The following DOCK2 variants were observed in gnomAD, a reference collection of about 807,000 sequenced individuals.
The protein encoded by DOCK2 is dedicator of cytokinesis 2.
DOCK2 carries 87 observed loss-of-function variants against 248.9 expected under a neutral mutation model. The ratio of observed to expected loss-of-function variants is 0.35; its 90% CI spans 0.29 to 0.42. The LOEUF (loss-of-function observed/expected upper bound fraction) is 0.42. Among genes scored for constraint, DOCK2 ranks in the 10% least tolerant of loss-of-function variants. The pLI is 1.00. For missense variants in DOCK2, 1,747 were observed against 2,300.2 expected, an observed-to-expected ratio of 0.76 and a Z score of 4.92; for synonymous variants, 805 against 821.6, an observed-to-expected ratio of 0.98 and a Z score of 0.35.
At chr5:169,751,807 T>C (rs777492494) in intron 23 of DOCK2, among the ~76,000 whole-genome samples, 2 of 152,234 alleles carry the variant, frequency 1.3e-5, no homozygotes, top group East Asian at 3.9e-4. Context: ...GTACCTACCA[T>C]GTTCCAGACA....
chr5:169,724,228 G>A (rs1762353375), intron 22 of DOCK2, among the ~76,000 whole-genome samples: 1 of 152,094 alleles, frequency 6.6e-6, no homozygotes, highest in African/African-American at 2.4e-5. Flanking sequence ...TGGCTCCTTG[G>A]GTTTCAGTGC....
intron 15 of DOCK2, among the ~76,000 whole-genome samples, chr5:169,710,020 C>G (rs999857329): frequency 6.6e-6 from 1 of 152,148 alleles, no homozygotes; most frequent in Non-Finnish European, 1.5e-5. Flanking sequence ...CTTGATGGAT[C>G]AATGTGATTG....
At chr5:169,710,613 CT>C (rs1761527628) in intron 15 of DOCK2, among the ~76,000 whole-genome samples, 1 of 152,316 alleles carries the variant, frequency 6.6e-6, no homozygotes, top group East Asian at 1.9e-4. Flanking sequence ...TCAGATATCT[CT>C]GCCTTATCAT....
chr5:169,838,029 A>G (rs1451809084), intron 26 of DOCK2, among the ~76,000 whole-genome samples: 1 of 152,216 alleles, frequency 6.6e-6, no homozygotes, highest in Non-Finnish European at 1.5e-5. Flanking sequence ...ACCATTATAT[A>G]AATTTGATGA....
At chr5:169,951,259 C>T (rs1776654283) in intron 27 of DOCK2, among the ~76,000 whole-genome samples, 2 of 152,236 alleles carry the variant, frequency 1.3e-5, no homozygotes, top group Admixed American at 6.5e-5. Flanking sequence ...TGTGGACAGT[C>T]TCAGGGATTC....
chr5:169,922,223 C>G (rs1020893471), intron 27 of DOCK2, among the ~76,000 whole-genome samples: 1 of 152,128 alleles, frequency 6.6e-6, no homozygotes, highest in African/African-American at 2.4e-5. Context: ...TGCACATTGC[C>G]TAAAGGTATT....
At chr5:169,944,471 G>A (rs1191476451) in intron 27 of DOCK2, among the ~76,000 whole-genome samples, 2 of 152,226 alleles carry the variant, frequency 1.3e-5, no homozygotes, top group Non-Finnish European at 2.9e-5. Context: ...GGAGGCAGGA[G>A]ATTTGGAAAG....
chr5:169,964,855 T>A (rs574354537), intron 27 of DOCK2, among the ~76,000 whole-genome samples: 2 of 152,362 alleles, frequency 1.3e-5, no homozygotes, highest in East Asian at 3.9e-4. Context: ...GGGAACTGCA[T>A]GTAAATTGCT....
At chr5:169,710,866 G>C (rs897934729) in intron 15 of DOCK2, among the ~76,000 whole-genome samples, 14 of 152,192 alleles carry the variant, frequency 9.2e-5, no homozygotes, top group African/African-American at 3.1e-4. Flanking sequence ...CACCTCAGTT[G>C]TATCTCCTTG....
At chr5:169,878,937 G>C (rs1024002716) in intron 27 of DOCK2, among the ~76,000 whole-genome samples, 1 of 152,180 alleles carries the variant, frequency 6.6e-6, no homozygotes, top group African/African-American at 2.4e-5. Context: ...AGGCATTGGT[G>C]TTGGGTCTGT....
At chr5:169,942,688 AC>A (rs1163951549) in intron 27 of DOCK2, among the ~76,000 whole-genome samples, 2 of 152,172 alleles carry the variant, frequency 1.3e-5, no homozygotes, top group Non-Finnish European at 2.9e-5. Flanking sequence ...TGCAAGCAGT[AC>A]AGAGAAATAG....
At chr5:169,666,178 C>T (rs1287092655) in intron 2 of DOCK2, among the ~76,000 whole-genome samples, 1 of 152,144 alleles carries the variant, frequency 6.6e-6, no homozygotes, top group Non-Finnish European at 1.5e-5. Flanking sequence ...TTGTCATAGC[C>T]TCTCACATGG....
chr5:169,951,726 C>A, intron 27 of DOCK2, among the ~76,000 whole-genome samples: 1 of 152,180 alleles, frequency 6.6e-6, no homozygotes, highest in East Asian at 1.9e-4. Context: ...TATAGCTACA[C>A]CAAGGATTGT....
intron 25 of DOCK2, among the ~76,000 whole-genome samples, chr5:169,789,637 T>C (rs933541855): frequency 6.6e-6 from 1 of 152,232 alleles, no homozygotes; most frequent in Non-Finnish European, 1.5e-5. Flanking sequence ...AAAATCTCTT[T>C]GATCCTCTTA....
At chr5:170,039,350 C>T (rs1756434079) in intron 36 of DOCK2, among the ~76,000 whole-genome samples, 1 of 152,204 alleles carries the variant, frequency 6.6e-6, no homozygotes, top group African/African-American at 2.4e-5. Context: ...TCCTTCACAA[C>T]ACATATCATC....
In DOCK2 at chr5:169,925,578, T is replaced by TAAAA. The variant is rs1561828965; in HGVS notation, c.2800-57490_2800-57489insAAAA. 5.6e-4 allele frequency among the ~76,000 whole-genome samples: 18 copies of TAAAA among 32,320 alleles called. 5 individuals carry two copies. Among genetic ancestry groups the TAAAA allele is most frequent in the African/African-American group, 1.8e-3 (14 of 7,834 alleles). 21.2% of individuals were successfully genotyped at this position (32,320 alleles called of 152,430 possible). On this transcript the variant is annotated intron_variant, in intron 27 of 51. Transcript: ENST00000520908. ...CTGGGCGACAGAGCAAGACTCTGTC[T>TAAAA]TAAAAAAAAAAAAAAAAAAAAAAAA...
rs141426905 is a variant in DOCK2 at position 169,702,646 on chromosome 5, G to A, written c.1383+219G>A. On this transcript the variant is annotated intron_variant, in intron 14 of 51. Coordinates refer to ENST00000520908, the MANE Select transcript of DOCK2 (RefSeq NM_004946.3). ...ACACCAAAGCAGTTTTTCAATGTCT[G>A]TTCCTTTCCTTTCACAACTTCTTCT... The A allele has an allele frequency of 5.5e-4, 238 of 431,502 alleles. 2 individuals carry two copies. Among genetic ancestry groups the A allele is most frequent in the Middle Eastern group, 3.1e-3 (5 of 1,598 alleles). 26.7% of individuals were successfully genotyped at this position (431,502 alleles called of 1,614,324 possible). A position where few individuals can be genotyped will look rare whatever the true frequency, so the allele number is the denominator to read the frequency against.
chr5:170,050,115 T>C, intron 40 of DOCK2, 141 bp from the exon 41 acceptor site: 1 of 1,136,308 alleles, frequency 8.8e-7, no homozygotes, highest in Non-Finnish European at 1.3e-6. Flanking sequence ...GCCCTTCCTT[T>C]CCCTGTGGGG....
chr5:169,950,673 G>A (rs1217833815), intron 27 of DOCK2, among the ~76,000 whole-genome samples: 1 of 152,210 alleles, frequency 6.6e-6, no homozygotes, highest in African/African-American at 2.4e-5. Flanking sequence ...TTTGTCCAAT[G>A]TTGTGTTCCT....
Sources: allele counts gnomAD v4.1 joint callset (sites outside exome capture counted in the v4.1 genomes callset), GRCh38; gene constraint gnomAD v4.1.1; transcripts MANE v1.5; gene names NCBI Gene and HGNC (gene_info 2026-07-23, HGNC 2026-07-21).